The following COPE variants were observed in gnomAD, a reference collection of about 807,000 sequenced individuals.
COPE encodes coat protein complex I subunit epsilon.
In COPE, 19 loss-of-function variants were observed where a neutral mutation model predicts 42.1. The ratio of observed to expected loss-of-function variants is 0.45; its 90% confidence interval spans 0.31 to 0.66. The LOEUF (loss-of-function observed/expected upper bound fraction) is 0.66, where lower values mean the gene tolerates loss of function less well. Ranked by LOEUF, COPE falls within the 30% of genes least tolerant of loss-of-function variation. The pLI is 0.05. For missense variants in COPE, 402 were observed against 416.1 expected (o/e 0.97, Z 0.30); for synonymous variants, 195 against 181.3 (o/e 1.08, Z -0.60).
intron 1 of COPE, among the ~76,000 whole-genome samples, chr19:18,918,681 G>C (rs1458631270): frequency 6.6e-6 from 1 of 152,118 alleles, no homozygotes; most frequent in African/African-American, 2.4e-5. Flanking sequence ...TGCCCGCCTC[G>C]GCCTCCCAAA....
chr19:18,918,205 A>AG (rs1376806335), intron 1 of COPE, among the ~76,000 whole-genome samples: 5 of 129,328 alleles, frequency 3.9e-5, no homozygotes, highest in African/African-American at 1.3e-4. Context: ...AAAAAAAAAG[A>AG]AAAGAAAAGA....
Position 18,899,699 on chromosome 19 carries a change from G to A in COPE, c.907C>T (p.Gln303Ter), listed in dbSNP as rs2056677090. ...KENDFDRLVL[Q>*]YAPSA ...CAGCCTCAGGCGCTGGGAGCGTACT[G>A]TAGCACCAGCCTGTCAAAGTCGTTC... Residue 303 changes from glutamine (Q) to a stop codon, truncating the protein, a stop_gained, in exon 10 of 10, where the codon CAG becomes TAG. Coordinates refer to ENST00000262812, the MANE Select transcript of COPE (RefSeq NM_007263.4). LOFTEE classifies it high-confidence loss of function. The A allele has an allele frequency of 6.2e-7, 1 of 1,613,552 alleles. No homozygotes were observed.
chr19:18,905,591 C>A lies in COPE; in HGVS notation c.482G>T (p.Arg161Leu). The A allele has an allele frequency of 6.3e-7, 1 of 1,592,706 alleles. No homozygotes were observed. Among genetic ancestry groups the A allele is most frequent in the Non-Finnish European group, 8.5e-7 (1 of 1,177,220 alleles). Residue 161 changes from arginine to leucine, a missense_variant, in exon 5 of 10, where the codon CGC becomes CTC. Coordinates refer to ENST00000262812, the MANE Select transcript of COPE (RefSeq NM_007263.4). ...MTVQILLKLD[R>L]LDLARKELKR... ...GAGGGCTCACCGGGCGAGGTCCAGG[C>A]GGTCCAGCTTCAGCAGGATCTGCAC...
At chr19:18,900,238 C>G in intron 8 of COPE, 143 bp downstream of exon 8, 1 of 705,558 alleles carries the variant, frequency 1.4e-6, no homozygotes. Flanking sequence ...TTGGGGGGCA[C>G]AGGGTTTGTG....
intron 3 of COPE, among the ~76,000 whole-genome samples, chr19:18,907,831 C>T (rs1473968169): frequency 1.3e-5 from 2 of 152,232 alleles, no homozygotes; most frequent in East Asian, 1.9e-4. Context: ...CGTAAGCATC[C>T]ACGCGCATCT....
chr19:18,900,314 T>C (rs1189456697), intron 8 of COPE, 67 bp downstream of exon 8: 4 of 1,316,598 alleles, frequency 3.0e-6, no homozygotes, highest in Non-Finnish European at 4.2e-6. Context: ...GATTAGGGCC[T>C]GGACCCCAGG....
intron 1 of COPE, among the ~76,000 whole-genome samples, chr19:18,917,910 G>A (rs1201848516): frequency 6.6e-6 from 1 of 151,926 alleles, no homozygotes; most frequent in African/African-American, 2.4e-5. Flanking sequence ...TGTATGGGAG[G>A]CTGGGCACGG....
intron 5 of COPE, 69 bp downstream of exon 5, chr19:18,905,507 T>C: frequency 7.3e-7 from 1 of 1,362,024 alleles, no homozygotes; most frequent in African/African-American, 1.6e-5. Flanking sequence ...CGCTCTGGGC[T>C]GTGACGCTCT....
intron 8 of COPE, 77 bp from the exon 9 acceptor site, chr19:18,900,024 A>G: frequency 7.9e-7 from 1 of 1,272,914 alleles, no homozygotes. Flanking sequence ...ACAGGGGTGG[A>G]TTGGGGTGAG....
At chr19:18,918,083 G>C (rs905364246) in intron 1 of COPE, among the ~76,000 whole-genome samples, 1 of 150,046 alleles carries the variant, frequency 6.7e-6, no homozygotes, top group African/African-American at 2.5e-5. Context: ...CCAGCTACTC[G>C]AGAGGCTGAG....
At position 18,903,291 on chromosome 19, in the gene COPE, G is replaced by C; in HGVS notation, c.712C>G (p.Leu238Val). The C allele has an allele frequency of 6.2e-7, 1 of 1,602,718 alleles. No individual in the cohort carries two copies. The highest frequency in any genetic ancestry group is 8.5e-7 in the Non-Finnish European group (1 of 1,174,890). The change falls in exon 7 of 10, where the codon CTG becomes GTG. Residue 238 changes from leucine to valine, a missense_variant. Leu to Val is a conservative substitution (Grantham distance 32). Coordinates refer to ENST00000262812, the MANE Select transcript of COPE (RefSeq NM_007263.4). ...ACCTTGTCTAGCGCCTCCTGCAGCA[G>C]GCCCTCAGCGGCCTCCCAGCGGCCC... ...AQGRWEAAEGLLQEALDKDSG... is the reference protein window; with the variant it reads ...AQGRWEAAEGVLQEALDKDSG...
At chr19:18,912,849 AG>A (rs1487950293) in intron 2 of COPE, 134 bp downstream of exon 2, 2 of 763,890 alleles carry the variant, frequency 2.6e-6, no homozygotes, top group Non-Finnish European at 4.3e-6. Context: ...GGCTGTTCAC[AG>A]TCACTGAACA....
In COPE at chr19:18,903,397, G is replaced by A; in HGVS notation, c.606C>T (p.Tyr202=). The change falls in exon 7 of 10, where the codon TAC becomes TAT. Residue 202 remains tyrosine, a synonymous_variant. Coordinates refer to ENST00000262812, the MANE Select transcript of COPE (RefSeq NM_007263.4). ...TGTCAGCCATCTCCTGGAAGATGTA[G>A]TAGGCATCCTGCAGCTTCTCACCAC... ...ATGGEKLQDA[Y]YIFQEMADKC... is the part of the protein sequence containing the mutation. 6.2e-7 allele frequency: 1 copy of A among 1,612,492 alleles called. No individual in the cohort carries two copies. The highest frequency in any genetic ancestry group is 8.5e-7 in the Non-Finnish European group (1 of 1,179,248).
rs2056772661 is a variant in COPE at position 18,907,594 on chromosome 19, C to T, written c.291-482G>A. ...GAGAGCCCAGGGTGCTGGCTGCACC[C>T]TGAAGATGGCCAGTGTGCTGCGGGC... On this transcript the variant is annotated intron_variant, in intron 3 of 9. Coordinates refer to ENST00000262812, the MANE Select transcript of COPE (RefSeq NM_007263.4). 2.0e-5 allele frequency among the ~76,000 whole-genome samples: 3 copies of T among 152,314 alleles called. No homozygotes were observed. In the South Asian group the frequency reaches 6.2e-4, roughly 32 times the overall value.
chr19:18,910,061 A>C (rs1204663274), intron 3 of COPE, among the ~76,000 whole-genome samples: 1 of 152,172 alleles, frequency 6.6e-6, no homozygotes, highest in Non-Finnish European at 1.5e-5. Context: ...GGGAGGCGGT[A>C]GTTGGGACAC....
intron 7 of COPE, among the ~76,000 whole-genome samples, chr19:18,903,025 C>T (rs1454060778): frequency 1.3e-5 from 2 of 151,962 alleles, no homozygotes; most frequent in Non-Finnish European, 1.5e-5. Context: ...ACAACAAGGA[C>T]GGCTCAGACC....
At position 18,906,951 on chromosome 19, in the gene COPE, G is replaced by T. The variant is rs752634865; in HGVS notation, c.443+9C>A. On this transcript the variant is annotated intron_variant, in intron 4 of 9. Transcript: ENST00000262812. The stretch of plus-strand genomic sequence containing the variant: ...CCTGGGCTGGCCCCAGAGCAGGGAG[G>T]CCACTCACCACTCCAGGCTGTCCCC... 26 of 1,552,064 alleles carry T rather than the reference G, an allele frequency of 1.7e-5. No homozygotes were observed. The highest frequency in any genetic ancestry group is 2.3e-5 in the Non-Finnish European group (26 of 1,148,372).
In COPE at chr19:18,907,119, G is replaced by A; in HGVS notation, c.291-7C>T. 1 of 1,610,672 alleles carries A rather than the reference G, an allele frequency of 6.2e-7. No homozygotes were observed. ...CTCGGCCACGATGCTGTCCCTGCAA[G>A]ACAGAGATGCTCACGACCCACAGCT... On this transcript the variant is annotated splice_polypyrimidine_tract_variant and splice_region_variant and intron_variant, in intron 3 of 9. Transcript: ENST00000262812.
At position 18,919,368 on chromosome 19, in the gene COPE, C is replaced by T. The variant is rs768946858; in HGVS notation, c.-20G>A. 3.7e-6 allele frequency: 6 copies of T among 1,610,230 alleles called. No homozygotes were observed. The South Asian group carries it at 6.6e-5, about 18-fold the overall frequency. On this transcript the variant is annotated 5_prime_UTR_variant, in exon 1 of 10. Transcript: ENST00000262812. ...CGCCATTTCGCTGTCTTCTCACCAG[C>T]TCCTCTTCCTGAAAGACACGTCAGC...
Sources: allele counts gnomAD v4.1 joint callset (sites outside exome capture counted in the v4.1 genomes callset), GRCh38; gene constraint gnomAD v4.1.1; transcripts MANE v1.5; gene names NCBI Gene and HGNC (gene_info 2026-07-23, HGNC 2026-07-21).